Variants in PRKRIP1 observed in about 807,000 individuals in gnomAD.
The protein encoded by PRKRIP1 is PRKR interacting protein 1.
PRKRIP1 carries 29 observed loss-of-function variants against 29.3 expected under a neutral mutation model. The observed-to-expected ratio is 0.99, with a 90% CI of 0.74 to 1.35. The LOEUF (loss-of-function observed/expected upper bound fraction) is 1.35, where lower values mean the gene tolerates loss of function less well. PRKRIP1 is among the 40% of genes most tolerant of loss of function. The probability of loss-of-function intolerance (pLI) is 0.00; values close to 1 mark genes in which losing one functional copy is unlikely to be tolerated. For synonymous variants in PRKRIP1, 90 were observed against 85.1 expected (o/e 1.06, Z -0.32); for missense variants, 247 against 236.8 (o/e 1.04, Z -0.28).
chr7:102,397,535 G>T (rs886177388), intron 1 of PRKRIP1, 85 bp from the exon 2 acceptor site: 19 of 1,111,400 alleles, frequency 1.7e-5, no homozygotes, highest in African/African-American at 3.1e-5. Flanking sequence ...AACAGAGCAA[G>T]AACCTGTCTC....
intron 2 of PRKRIP1, among the ~76,000 whole-genome samples, chr7:102,398,365 A>T (rs925048221): frequency 6.6e-6 from 1 of 151,602 alleles, no homozygotes; most frequent in Non-Finnish European, 1.5e-5. Context: ...GCTCACTGCA[A>T]CCTCCGCCTT....
rs782044915 is a variant in PRKRIP1 at position 102,396,411 on chromosome 7, C to T, written c.-1C>T. The T allele has an allele frequency of 9.6e-6, 15 of 1,565,202 alleles. No homozygotes were observed. Among genetic ancestry groups the T allele is most frequent in the South Asian group, 5.7e-5 (5 of 87,380 alleles). On this transcript the variant is annotated 5_prime_UTR_variant, in exon 1 of 6. Transcript: ENST00000397912. ...CTCGCTTGTGAAACTGGAAGGCTGC[C>T]ATGGCTAGCCCAGCCGCCTCCTCGG...
chr7:102,414,900 A>T (rs148329100), intron 5 of PRKRIP1, among the ~76,000 whole-genome samples: 205 of 152,206 alleles, frequency 1.3e-3, no homozygotes, highest in East Asian at 2.3e-3. Flanking sequence ...AGGAAAAAAA[A>T]AATAATAATA....
In PRKRIP1 at chr7:102,396,547, G is replaced by C; in HGVS notation, c.126+10G>C. The C allele has an allele frequency of 6.2e-7, 1 of 1,604,412 alleles. No individual in the cohort carries two copies. On this transcript the variant is annotated intron_variant, in intron 1 of 5. Coordinates refer to ENST00000397912, the MANE Select transcript of PRKRIP1 (RefSeq NM_024653.4). ...GCTCATGAAGAACCCGGTGAGACGA[G>C]GCCCAGGCTCCACGGCCCGTCCGAG...
At chr7:102,416,168 A>G (rs1445227364) in intron 5 of PRKRIP1, among the ~76,000 whole-genome samples, 2 of 152,222 alleles carry the variant, frequency 1.3e-5, no homozygotes, top group African/African-American at 4.8e-5. Context: ...CTGCCAGATC[A>G]GATAAGGTGC....
At chr7:102,410,706 G>C (rs1796359221) in intron 5 of PRKRIP1, among the ~76,000 whole-genome samples, 1 of 152,132 alleles carries the variant, frequency 6.6e-6, no homozygotes, top group Non-Finnish European at 1.5e-5. Context: ...TTGATTTTTA[G>C]GATTTTTGCC....
intron 5 of PRKRIP1, among the ~76,000 whole-genome samples, chr7:102,414,114 C>T (rs890470208): frequency 1.3e-5 from 2 of 152,122 alleles, no homozygotes; most frequent in Non-Finnish European, 2.9e-5. Flanking sequence ...GTAATCCCAG[C>T]TACTCGGGAG....
intron 5 of PRKRIP1, among the ~76,000 whole-genome samples, chr7:102,424,072 G>A (rs1174321473): frequency 1.3e-5 from 2 of 152,278 alleles, no homozygotes; most frequent in Admixed American, 6.5e-5. Context: ...CGCCAGCGCC[G>A]TGCGTGTTCT....
intron 3 of PRKRIP1, among the ~76,000 whole-genome samples, chr7:102,403,125 T>C: frequency 1.3e-5 from 2 of 152,218 alleles, no homozygotes; most frequent in East Asian, 3.8e-4. Flanking sequence ...TCTGCCCACC[T>C]CAGCTTCCCA....
intron 1 of PRKRIP1, 88 bp from the exon 2 acceptor site, chr7:102,397,532 C>A: frequency 9.2e-7 from 1 of 1,089,934 alleles, no homozygotes; most frequent in Non-Finnish European, 1.4e-6. Context: ...AGGAACAGAG[C>A]AAGAACCTGT....
At chr7:102,403,567 G>A (rs188802802) in intron 3 of PRKRIP1, among the ~76,000 whole-genome samples, 48 of 152,244 alleles carry the variant, frequency 3.2e-4, no homozygotes, top group Admixed American at 2.5e-3. Flanking sequence ...CGCAATTTCC[G>A]GTCTCTGCAA....
intron 5 of PRKRIP1, among the ~76,000 whole-genome samples, chr7:102,419,219 G>T (rs1474725695): frequency 1.3e-5 from 2 of 152,018 alleles, no homozygotes; most frequent in Non-Finnish European, 2.9e-5. Context: ...TTCAAGACCA[G>T]CCTGGCCAAC....
chr7:102,397,483 C>A, intron 1 of PRKRIP1, 137 bp from the exon 2 acceptor site: 1 of 661,552 alleles, frequency 1.5e-6, no homozygotes, highest in Admixed American at 2.6e-5. Context: ...GAGTTCAAGG[C>A]TGCAGTGAGC....
Position 102,396,487 on chromosome 7 carries a change from A to C in PRKRIP1, c.76A>C (p.Asn26His), listed in dbSNP as rs964482545. 1 of 1,609,920 alleles carries C rather than the reference A, an allele frequency of 6.2e-7. No individual in the cohort carries two copies. The highest frequency in any genetic ancestry group is 8.5e-7 in the Non-Finnish European group (1 of 1,179,058). The change falls in exon 1 of 6, where the codon AAT becomes CAT. Residue 26 changes from asparagine (N) to histidine (H), a missense_variant. By Grantham distance (68) the Asn-to-His change is moderately conservative. This residue lies in a region of PRKRIP1 where 105 missense variants were observed against 80.2 expected (regional missense o/e 1.31). Transcript: ENST00000397912. ...GCCGCAGACGCTCGTCATCCCCAAGAATGCGGCGGAGGAGCAGAAGCTCAA... is the reference window on the plus strand; with the variant it reads ...GCCGCAGACGCTCGTCATCCCCAAGCATGCGGCGGAGGAGCAGAAGCTCAA... ...KEPQTLVIPK[N>H]AAEEQKLKLE...
At chr7:102,400,713 G>A (rs909477885) in intron 3 of PRKRIP1, among the ~76,000 whole-genome samples, 2 of 152,094 alleles carry the variant, frequency 1.3e-5, no homozygotes, top group Non-Finnish European at 2.9e-5. Context: ...TTGGCTCACT[G>A]CAACCTCCAC....
At chr7:102,401,105 A>G (rs1796058812) in intron 3 of PRKRIP1, among the ~76,000 whole-genome samples, 1 of 152,202 alleles carries the variant, frequency 6.6e-6, no homozygotes, top group Non-Finnish European at 1.5e-5. Flanking sequence ...GAATAGATGT[A>G]TGAGTAGAGC....
intron 3 of PRKRIP1, among the ~76,000 whole-genome samples, chr7:102,402,860 A>G (rs1796110077): frequency 6.6e-6 from 1 of 151,182 alleles, no homozygotes; most frequent in South Asian, 2.1e-4. Context: ...CTTCAGCAGC[A>G]CAGAGTAAGA....
chr7:102,404,759 T>A, intron 4 of PRKRIP1, 76 bp downstream of exon 4: 1 of 1,077,772 alleles, frequency 9.3e-7, no homozygotes, highest in Non-Finnish European at 1.4e-6. Context: ...TTGCAGTCAG[T>A]AGTAGTTCCT....
chr7:102,418,218 T>A (rs1796605317), intron 5 of PRKRIP1, among the ~76,000 whole-genome samples: 1 of 151,704 alleles, frequency 6.6e-6, no homozygotes, highest in African/African-American at 2.4e-5. Context: ...CTCAGCTAAT[T>A]TTTGTATTTT....
Sources: allele counts gnomAD v4.1 joint callset (sites outside exome capture counted in the v4.1 genomes callset), GRCh38; gene constraint gnomAD v4.1.1; regional missense constraint gnomAD v4.1.1; transcripts MANE v1.5; gene names NCBI Gene and HGNC (gene_info 2026-07-23, HGNC 2026-07-21).